The following ANKRD55 variants were observed in gnomAD, a reference collection of about 807,000 sequenced individuals.
ANKRD55 encodes the protein ankyrin repeat domain 55, also known as ankyrin repeat domain-containing protein 55.
ANKRD55 carries 41 observed loss-of-function variants against 60.6 expected under a neutral mutation model. The observed-to-expected ratio is 0.68, with a 90% confidence interval of 0.53 to 0.88. ANKRD55 has a LOEUF of 0.88. ANKRD55 is among the 40% of genes least tolerant of loss of function. The probability of loss-of-function intolerance (pLI) is 0.00; values close to 1 mark genes in which losing one functional copy is unlikely to be tolerated. For missense variants in ANKRD55, 732 were observed against 767.6 expected (o/e 0.95, Z 0.55); for synonymous variants, 264 against 290.3 (o/e 0.91, Z 0.92).
chr5:56,116,632 G>C lies in ANKRD55; in HGVS notation c.948C>G (p.Leu316=), dbSNP rs1457950520. Reference sequence around the variant, plus strand: ...GTACTCACCTGCTCTCTTGGGAGAGGAGTTTGACACACGCCGTGTGACCGC... The same window carrying C: ...GTACTCACCTGCTCTCTTGGGAGAGCAGTTTGACACACGCCGTGTGACCGC... ...LYCGHTACVK[L]LSQESRTEPT... The change falls in exon 9 of 12, where the codon CTC becomes CTG. Residue 316 remains leucine (L), a synonymous_variant. Coordinates refer to ENST00000341048, the MANE Select transcript of ANKRD55 (RefSeq NM_024669.3). The C allele has an allele frequency of 1.9e-6, 3 of 1,597,946 alleles. No individual in the cohort carries two copies. Among genetic ancestry groups the C allele is most frequent in the Non-Finnish European group, 2.6e-6 (3 of 1,173,064 alleles).
chr5:56,224,576 T>C (rs967139964), intron 2 of ANKRD55, among the ~76,000 whole-genome samples: 1 of 151,900 alleles, frequency 6.6e-6, no homozygotes, highest in African/African-American at 2.4e-5. Context: ...ATCAACAAAA[T>C]TGATAGACCA....
intron 2 of ANKRD55, among the ~76,000 whole-genome samples, chr5:56,224,887 C>T (rs1002883499): frequency 3.9e-5 from 6 of 152,232 alleles, no homozygotes; most frequent in East Asian, 1.9e-4. Flanking sequence ...GATTCACAGC[C>T]GAATTCTACC....
chr5:56,210,089 C>A (rs1052295643), intron 2 of ANKRD55, among the ~76,000 whole-genome samples: 1 of 152,014 alleles, frequency 6.6e-6, no homozygotes, highest in East Asian at 1.9e-4. Flanking sequence ...CTCACTGCAG[C>A]CTCCGCCTCC....
At chr5:56,133,147 A>T (rs1019433875) in intron 7 of ANKRD55, among the ~76,000 whole-genome samples, 2 of 152,248 alleles carry the variant, frequency 1.3e-5, no homozygotes, top group Non-Finnish European at 2.9e-5. Context: ...GAACTTAAAA[A>T]TACAATTAAT....
chr5:56,166,203 C>CCTTCCTTCCT lies in ANKRD55; in HGVS notation c.422+4490_422+4491insAGGAAGGAAG, dbSNP rs1343977513. On this transcript the variant is annotated intron_variant, in intron 5 of 11. Coordinates refer to ENST00000341048, the MANE Select transcript of ANKRD55 (RefSeq NM_024669.3). ...CTTCCTTCCTTCCTTCCTTCCTTCT[C>CCTTCCTTCCT]TCTCTCTCTCTCTCTTTCTTTCTTT... 7.9e-4 allele frequency among the ~76,000 whole-genome samples: 67 copies of CCTTCCTTCCT among 84,658 alleles called. 6 individuals are homozygous for CCTTCCTTCCT. The highest frequency in any genetic ancestry group is 3.7e-3 in the African/African-American group (61 of 16,588). The allele number at this position is 84,658 out of a possible 152,430, so 55.5% of individuals were successfully genotyped here. A position where few individuals can be genotyped will look rare whatever the true frequency, so the allele number is the denominator to read the frequency against.
At chr5:56,101,795 C>T (rs1276836) in intron 11 of ANKRD55, among the ~76,000 whole-genome samples, 27,842 of 151,252 alleles carry the variant, frequency 0.18, 3,092 homozygotes, top group Middle Eastern at 0.36. Context: ...TTTTTTTCTG[C>T]TTAGGAATGC....
chr5:56,137,329 A>T (rs1757633199), intron 7 of ANKRD55: 1 of 1,529,036 alleles, frequency 6.5e-7, no homozygotes. Context: ...GAGCATATCC[A>T]TGGGAACAAA....
intron 2 of ANKRD55, among the ~76,000 whole-genome samples, chr5:56,219,227 C>T (rs367910755): frequency 3.6e-5 from 5 of 138,220 alleles, no homozygotes; most frequent in Admixed American, 1.6e-4. Flanking sequence ...GAGCAGAGAT[C>T]GTGCCACTGC....
intron 3 of ANKRD55, among the ~76,000 whole-genome samples, chr5:56,178,888 C>T (rs1472047750): frequency 8.5e-6 from 1 of 118,062 alleles, no homozygotes; most frequent in Non-Finnish European, 1.6e-5. Context: ...AATTATAAAA[C>T]ATCTGAAATG....
chr5:56,176,976 T>C (rs1464211701), intron 3 of ANKRD55, among the ~76,000 whole-genome samples: 2 of 152,168 alleles, frequency 1.3e-5, no homozygotes, highest in African/African-American at 4.8e-5. Flanking sequence ...GAGACTTGTG[T>C]AGATGTCTTT....
At chr5:56,214,446 T>C (rs1561295411) in intron 2 of ANKRD55, among the ~76,000 whole-genome samples, 1 of 152,256 alleles carries the variant, frequency 6.6e-6, no homozygotes. Flanking sequence ...CCTCTGAGGA[T>C]GGTTGTAATC....
intron 5 of ANKRD55, among the ~76,000 whole-genome samples, chr5:56,166,158 T>TTCC (rs58740295): frequency 0.025 from 1,830 of 72,440 alleles, 108 homozygotes; most frequent in African/African-American, 0.036. Flanking sequence ...TTCTTTCTTC[T>TTCC]TTCCTTCCTT....
At chr5:56,231,404 T>C (rs1239856307) in intron 2 of ANKRD55, among the ~76,000 whole-genome samples, 1 of 152,206 alleles carries the variant, frequency 6.6e-6, no homozygotes, top group Non-Finnish European at 1.5e-5. Flanking sequence ...TAGTTCTTCT[T>C]CAGTCAGTCC....
At chr5:56,152,615 A>G (rs1758083752) in intron 6 of ANKRD55, among the ~76,000 whole-genome samples, 1 of 152,202 alleles carries the variant, frequency 6.6e-6, no homozygotes, top group Admixed American at 6.5e-5. Context: ...GCCTCACTCT[A>G]TGTCAATGAT....
At chr5:56,131,486 A>T (rs1176766311) in intron 7 of ANKRD55, among the ~76,000 whole-genome samples, 2 of 152,114 alleles carry the variant, frequency 1.3e-5, no homozygotes, top group Non-Finnish European at 2.9e-5. Flanking sequence ...GTAGACCTGC[A>T]TTGTACTAGA....
At chr5:56,231,531 C>T (rs1381919734) in intron 2 of ANKRD55, among the ~76,000 whole-genome samples, 1 of 152,124 alleles carries the variant, frequency 6.6e-6, no homozygotes, top group Non-Finnish European at 1.5e-5. Context: ...CTTTTACTGA[C>T]TGCCATCAGT....
chr5:56,163,219 C>T (rs1052751944), intron 5 of ANKRD55, among the ~76,000 whole-genome samples: 1 of 152,194 alleles, frequency 6.6e-6, no homozygotes, highest in African/African-American at 2.4e-5. Context: ...AACAAAGAAC[C>T]TGAGGCCCTT....
At chr5:56,125,070 G>T (rs7725798) in intron 8 of ANKRD55, among the ~76,000 whole-genome samples, 1 of 152,202 alleles carries the variant, frequency 6.6e-6, no homozygotes, top group African/African-American at 2.4e-5. Flanking sequence ...CTAAGTGGGT[G>T]GTATTGCAAA....
At chr5:56,200,088 CT>C (rs1759330813) in intron 2 of ANKRD55, among the ~76,000 whole-genome samples, 1 of 152,054 alleles carries the variant, frequency 6.6e-6, no homozygotes, top group Non-Finnish European at 1.5e-5. Context: ...TTCTTCAGAA[CT>C]TTCTATATTT....
Sources: gnomAD v4.1 joint callset for allele counts (sites outside exome capture counted in the v4.1 genomes callset) on GRCh38, gnomAD v4.1.1 for gene constraint, MANE v1.5 for transcripts, NCBI Gene and HGNC (gene_info 2026-07-23, HGNC 2026-07-21) for gene names.